ADAMTSL1: variants seen among roughly 807,000 people sequenced by gnomAD.
The protein encoded by ADAMTSL1 is ADAMTS like 1.
In ADAMTSL1, 126 loss-of-function variants were observed where a neutral mutation model predicts 201.8. The ratio of observed to expected loss-of-function variants is 0.62; its 90% CI spans 0.54 to 0.72. ADAMTSL1 has a LOEUF of 0.72. Among genes scored for constraint, ADAMTSL1 ranks in the 30% least tolerant of loss-of-function variants. The probability of loss-of-function intolerance (pLI) is 0.00; values close to 1 mark genes in which losing one functional copy is unlikely to be tolerated. For synonymous variants in ADAMTSL1, 1,121 were observed against 903.4 expected (o/e 1.24, Z -4.32); for missense variants, 2,679 against 2,277.8 (o/e 1.18, Z -3.59).
rs1184266557 is a variant in ADAMTSL1 at position 18,668,274 on chromosome 9, T to C, written c.1085+6201T>C. Among the ~76,000 whole-genome samples, 5 of 152,306 alleles carry C rather than the reference T, an allele frequency of 3.3e-5. No individual in the cohort carries two copies. In the East Asian group the frequency reaches 9.6e-4, roughly 29 times the overall value. On this transcript the variant is annotated intron_variant, in intron 9 of 28. Coordinates refer to ENST00000380548, the MANE Select transcript of ADAMTSL1 (RefSeq NM_001040272.6). ...TCTCATTTCCACATTCATGTATTAT[T>C]CATAATGAGATAAATGATACAAAGT...
chr9:18,218,838 A>G (rs997006249), intron 2 of ADAMTSL1, among the ~76,000 whole-genome samples: 3 of 152,008 alleles, frequency 2.0e-5, no homozygotes, highest in African/African-American at 7.2e-5. Flanking sequence ...CTCTGTATTA[A>G]TTCATAAAGT....
chr9:18,704,844 G>T lies in ADAMTSL1; in HGVS notation c.1575-1903G>T, dbSNP rs117763580. ...GGTGAGAGGGAGGTGAAATTGTGAT[G>T]AGATTTTCTTGGGATAATTCTGGGT... On this transcript the variant is annotated intron_variant, in intron 13 of 28. Transcript: ENST00000380548. Among the ~76,000 whole-genome samples the T allele has an allele frequency of 6.2e-4, 95 of 152,326 alleles. 2 individuals carry two copies. In the East Asian group the frequency reaches 0.018, roughly 28 times the overall value.
chr9:18,302,067 G>T (rs1833727922), intron 2 of ADAMTSL1, among the ~76,000 whole-genome samples: 1 of 152,134 alleles, frequency 6.6e-6, no homozygotes, highest in Admixed American at 6.5e-5. Context: ...TTAAGGTGTA[G>T]TTGAAGTCCC....
intron 1 of ADAMTSL1, among the ~76,000 whole-genome samples, chr9:17,931,118 C>A (rs530317501): frequency 6.6e-6 from 1 of 152,152 alleles, no homozygotes; most frequent in South Asian, 2.1e-4. Context: ...TATTGCATGT[C>A]CCGTTCATAA....
intron 2 of ADAMTSL1, among the ~76,000 whole-genome samples, chr9:18,215,746 C>A (rs1371471380): frequency 6.6e-6 from 1 of 152,146 alleles, no homozygotes; most frequent in Non-Finnish European, 1.5e-5. Context: ...GATGCCAAGG[C>A]CAACTTGTAG....
chr9:18,751,547 G>A (rs1055107157), intron 15 of ADAMTSL1, among the ~76,000 whole-genome samples: 2 of 152,180 alleles, frequency 1.3e-5, no homozygotes, highest in African/African-American at 4.8e-5. Context: ...TATGATGGGA[G>A]GTCTCATCGA....
intron 2 of ADAMTSL1, among the ~76,000 whole-genome samples, chr9:18,342,285 TA>T (rs1458933483): frequency 6.6e-6 from 1 of 152,180 alleles, no homozygotes; most frequent in East Asian, 1.9e-4. Flanking sequence ...GTAATTGTTT[TA>T]AAAAATATTT....
intron 2 of ADAMTSL1, among the ~76,000 whole-genome samples, chr9:18,187,748 GA>G (rs939937835): frequency 4.8e-4 from 73 of 151,990 alleles, no homozygotes; most frequent in African/African-American, 1.6e-3. Context: ...AAGGATGGCA[GA>G]AAAAAAGCAG....
At chr9:18,259,172 C>T (rs563588362) in intron 2 of ADAMTSL1, among the ~76,000 whole-genome samples, 1 of 152,296 alleles carries the variant, frequency 6.6e-6, no homozygotes, top group East Asian at 1.9e-4. Context: ...GCTTAAAACA[C>T]CATCCATGTG....
At chr9:18,400,229 A>T (rs909953494) in intron 2 of ADAMTSL1, among the ~76,000 whole-genome samples, 1 of 152,200 alleles carries the variant, frequency 6.6e-6, no homozygotes, top group Non-Finnish European at 1.5e-5. Flanking sequence ...TCCTACTGTG[A>T]TACTTATTTC....
At chr9:18,707,453 A>T (rs565395359) in intron 14 of ADAMTSL1, among the ~76,000 whole-genome samples, 1 of 152,350 alleles carries the variant, frequency 6.6e-6, no homozygotes, top group South Asian at 2.1e-4. Flanking sequence ...CCTCCGATGT[A>T]CTCAGCTGAT....
At chr9:17,928,741 C>G (rs1014709683) in intron 1 of ADAMTSL1, among the ~76,000 whole-genome samples, 4 of 152,142 alleles carry the variant, frequency 2.6e-5, no homozygotes, top group African/African-American at 7.2e-5. Context: ...AAGATCCTAT[C>G]TCTAACAAGA....
chr9:18,531,320 A>T lies in ADAMTSL1; in HGVS notation c.192-1927A>T, dbSNP rs144874223. ...TGAGGGGTGGTACTTGGATGAGCTG[A>T]ATAATCATCGGTATCAGTAAGGTCA... On this transcript the variant is annotated intron_variant, in intron 2 of 28. Transcript: ENST00000380548. 1.9e-3 allele frequency among the ~76,000 whole-genome samples: 294 copies of T among 152,338 alleles called. 3 individuals are homozygous for T. The highest frequency in any genetic ancestry group is 0.014 in the Middle Eastern group (4 of 294).
At chr9:18,283,815 G>A (rs557285858) in intron 2 of ADAMTSL1, among the ~76,000 whole-genome samples, 191 of 149,810 alleles carry the variant, frequency 1.3e-3, no homozygotes, top group African/African-American at 4.0e-3. Flanking sequence ...GGGAGGCTGA[G>A]GCAGGAGAAT....
rs375073484 is a variant in ADAMTSL1 at position 17,985,488 on chromosome 9, G to T, written c.87+78566G>T. Reference sequence around the variant, plus strand: ...ATCTTGAAAAATACTTTATAGTTCTGAGTACTACAAAAAAGATACTTGAGC... The same window carrying T: ...ATCTTGAAAAATACTTTATAGTTCTTAGTACTACAAAAAAGATACTTGAGC... On this transcript the variant is annotated intron_variant, in intron 1 of 29. Coordinates refer to the ADAMTSL1 transcript ENST00000680146. 3.9e-5 allele frequency among the ~76,000 whole-genome samples: 6 copies of T among 152,140 alleles called. No individual in the cohort carries two copies. In the East Asian group the frequency reaches 9.6e-4, roughly 24 times the overall value.
chr9:18,642,569 T>C (rs1827517913), intron 7 of ADAMTSL1, among the ~76,000 whole-genome samples: 1 of 151,952 alleles, frequency 6.6e-6, no homozygotes, highest in Admixed American at 6.6e-5. Context: ...TGACCAACAT[T>C]TCCCCCACAG....
At chr9:18,472,834 G>A (rs1821271407), upstream of ADAMTSL1, among the ~76,000 whole-genome samples, 1 of 152,192 alleles carries the variant, frequency 6.6e-6, no homozygotes, top group African/African-American at 2.4e-5. Flanking sequence ...ACACACCTAT[G>A]GCAATGTAAG....
At chr9:18,638,767 T>C (rs1827258853) in intron 6 of ADAMTSL1, among the ~76,000 whole-genome samples, 1 of 152,112 alleles carries the variant, frequency 6.6e-6, no homozygotes, top group South Asian at 2.1e-4. Flanking sequence ...ATCAGTGCAG[T>C]AAGTAACCAG....
chr9:18,324,001 A>G (rs1834727563), intron 2 of ADAMTSL1, among the ~76,000 whole-genome samples: 2 of 152,192 alleles, frequency 1.3e-5, no homozygotes, highest in African/African-American at 2.4e-5. Context: ...TAAAAATGCA[A>G]AGGGCTCAGA....
Sources: gnomAD v4.1 joint callset for allele counts (sites outside exome capture counted in the v4.1 genomes callset) on GRCh38, gnomAD v4.1.1 for gene constraint, MANE v1.5 for transcripts, NCBI Gene and HGNC (gene_info 2026-07-23, HGNC 2026-07-21) for gene names.